Variants in DTD1 observed in about 807,000 individuals in gnomAD.
The protein encoded by DTD1 is D-aminoacyl-tRNA deacylase 1, also known as D-tyrosyl-tRNA deacylase 1 homolog.
DTD1 carries 13 observed loss-of-function variants against 25.6 expected under a neutral mutation model. That is an observed-to-expected ratio of 0.51 (90% CI 0.33 to 0.81). The LOEUF is 0.81. Ranked by LOEUF, DTD1 falls within the 30% of genes least tolerant of loss-of-function variation. The pLI is 0.02. For synonymous variants in DTD1, 110 were observed against 103.6 expected (o/e 1.06, Z -0.37); for missense variants, 193 against 266.4 (o/e 0.72, Z 1.92).
rs563989091 is a variant in DTD1, at chr20:18,684,536, G to A, written c.477+56303G>A. On this transcript the variant is annotated intron_variant, in intron 4 of 5. Coordinates refer to ENST00000377452, the MANE Select transcript of DTD1 (RefSeq NM_080820.6). ...TCCTGACCTCAAGTTTTCCACCAGC[G>A]TAGGCCTCCCAAAGTGCTGGGATTA... Among the ~76,000 whole-genome samples, 7 of 152,104 alleles carry A rather than the reference G, an allele frequency of 4.6e-5. No homozygotes were observed. In the East Asian group the frequency reaches 1.2e-3, roughly 25 times the overall value.
At chr20:18,713,455 C>A (rs2061167873) in intron 4 of DTD1, among the ~76,000 whole-genome samples, 1 of 152,170 alleles carries the variant, frequency 6.6e-6, no homozygotes, top group African/African-American at 2.4e-5. Flanking sequence ...AAATATTCCA[C>A]CCTGGAAGGG....
chr20:18,729,078 A>AC (rs1391880461), intron 4 of DTD1, among the ~76,000 whole-genome samples: 1 of 152,180 alleles, frequency 6.6e-6, no homozygotes, highest in African/African-American at 2.4e-5. Context: ...GTCACGGCTC[A>AC]CTGCAGCCTT....
intron 3 of DTD1, among the ~76,000 whole-genome samples, chr20:18,608,697 A>G (rs754262251): frequency 2.6e-5 from 4 of 152,208 alleles, no homozygotes; most frequent in Admixed American, 6.5e-5. Context: ...CAGGTGCCCA[A>G]TGGCCGTGTA....
intron 3 of DTD1, among the ~76,000 whole-genome samples, chr20:18,599,646 C>T (rs907201158): frequency 1.3e-5 from 2 of 152,160 alleles, no homozygotes; most frequent in East Asian, 1.9e-4. Flanking sequence ...CAGCAATGAA[C>T]GAGAGTTCCT....
At chr20:18,745,677 A>T (rs1299766758) in intron 5 of DTD1, among the ~76,000 whole-genome samples, 1 of 152,148 alleles carries the variant, frequency 6.6e-6, no homozygotes, top group Non-Finnish European at 1.5e-5. Flanking sequence ...GAGTTTGGGA[A>T]TGGAGGAATT....
intron 4 of DTD1, chr20:18,643,565 G>A (rs2060838684): frequency 6.4e-6 from 1 of 155,190 alleles, no homozygotes; most frequent in Non-Finnish European, 1.4e-5. Context: ...CTGTGAATTT[G>A]GTGCAACTGC....
At chr20:18,641,563 A>C (rs2060828452) in intron 4 of DTD1, among the ~76,000 whole-genome samples, 1 of 152,016 alleles carries the variant, frequency 6.6e-6, no homozygotes, top group African/African-American at 2.4e-5. Context: ...TGGTCATCCT[A>C]ATAAGTGTGA....
At chr20:18,736,672 G>A (rs1160206948) in intron 4 of DTD1, among the ~76,000 whole-genome samples, 3 of 152,098 alleles carry the variant, frequency 2.0e-5, no homozygotes, top group South Asian at 2.1e-4. Context: ...AAGAGCCTCT[G>A]TTTTTTTCTT....
At chr20:18,632,576 T>A in intron 4 of DTD1, 1 of 985,428 alleles carries the variant, frequency 1.0e-6, no homozygotes, top group Non-Finnish European at 1.2e-6. Context: ...TAAACACGTG[T>A]TTCTATCAAT....
At chr20:18,752,109 C>T (rs1196708590) in intron 5 of DTD1, among the ~76,000 whole-genome samples, 5 of 151,950 alleles carry the variant, frequency 3.3e-5, no homozygotes, top group Admixed American at 1.3e-4. Context: ...CAGCCCCCAG[C>T]TTCTTCAAAA....
At chr20:18,703,769 G>T (rs1253410288) in intron 4 of DTD1, among the ~76,000 whole-genome samples, 7 of 151,222 alleles carry the variant, frequency 4.6e-5, no homozygotes, top group Non-Finnish European at 4.4e-5. Context: ...GTTTTTAGGG[G>T]TATTATGTTT....
intron 4 of DTD1, among the ~76,000 whole-genome samples, chr20:18,652,556 A>G (rs182427491): frequency 3.3e-5 from 5 of 152,306 alleles, no homozygotes; most frequent in Admixed American, 2.6e-4. Context: ...TACACGGGTA[A>G]CACTCCTAGC....
chr20:18,588,822 G>A (rs905195868), intron 1 of DTD1: 1 of 985,268 alleles, frequency 1.0e-6, no homozygotes, highest in Non-Finnish European at 1.2e-6. Flanking sequence ...CTTTCGTCTC[G>A]GTTGGGCATC....
intron 3 of DTD1, among the ~76,000 whole-genome samples, chr20:18,622,271 C>T (rs1384413058): frequency 6.6e-6 from 1 of 152,002 alleles, no homozygotes; most frequent in Non-Finnish European, 1.5e-5. Flanking sequence ...GTTTGATGTT[C>T]CCCTCCCTGT....
chr20:18,635,166 T>G (rs956398906), intron 4 of DTD1, among the ~76,000 whole-genome samples: 1 of 152,222 alleles, frequency 6.6e-6, no homozygotes, highest in Non-Finnish European at 1.5e-5. Context: ...GTTGCCAAGA[T>G]GGTAGCCAGA....
At chr20:18,738,643 C>T (rs6081339) in intron 4 of DTD1, among the ~76,000 whole-genome samples, 19,868 of 152,204 alleles carry the variant, frequency 0.13, 1,608 homozygotes, top group Non-Finnish European at 0.18. Flanking sequence ...TTTCCAAAGA[C>T]CCTCTGCAGT....
At position 18,708,363 on chromosome 20, in the gene DTD1, TA is replaced by T. The variant is rs199618004; in HGVS notation, c.478-35736del. Among the ~76,000 whole-genome samples, 540 of 54,920 alleles carry T rather than the reference TA, an allele frequency of 9.8e-3. 34 individuals are homozygous for T. The highest frequency in any genetic ancestry group is 0.025 in the African/African-American group (382 of 15,326). The allele number at this position is 54,920 out of a possible 152,430, so 36.0% of individuals were successfully genotyped here. A position where few individuals can be genotyped will look rare whatever the true frequency, so the allele number is the denominator to read the frequency against. On this transcript the variant is annotated intron_variant, in intron 4 of 5. Transcript: ENST00000377452. ...TATATATATTATATATCTATATATATATTTTTTTTTGATACAAAGTCTCACT... is the reference window on the plus strand; with the variant it reads ...TATATATATTATATATCTATATATATTTTTTTTTTGATACAAAGTCTCACT...
At chr20:18,726,717 T>C (rs1333677499) in intron 4 of DTD1, among the ~76,000 whole-genome samples, 1 of 152,204 alleles carries the variant, frequency 6.6e-6, no homozygotes, top group Non-Finnish European at 1.5e-5. Flanking sequence ...CCATTCCCAA[T>C]ACCTCTTCCT....
At chr20:18,643,289 T>A in intron 4 of DTD1, 1 of 340,836 alleles carries the variant, frequency 2.9e-6, no homozygotes, top group Non-Finnish European at 6.0e-6. Flanking sequence ...AATGCCTTGT[T>A]GAGAGTGCGT....
Sources: allele counts gnomAD v4.1 joint callset (sites outside exome capture counted in the v4.1 genomes callset), GRCh38; gene constraint gnomAD v4.1.1; transcripts MANE v1.5; gene names NCBI Gene and HGNC (gene_info 2026-07-23, HGNC 2026-07-21).